Variants in KDM2B observed in about 807,000 individuals in gnomAD.
KDM2B encodes the protein lysine-specific demethylase 2B.
Under a neutral mutation model 150.0 loss-of-function variants are expected in KDM2B, and 26 were observed. The observed-to-expected ratio is 0.17, with a 90% CI of 0.13 to 0.24. KDM2B has a LOEUF of 0.24. KDM2B is among the 10% of genes least tolerant of loss of function. KDM2B has a pLI of 1.00. For missense variants in KDM2B, 1,265 were observed against 1,816.9 expected, an observed-to-expected ratio of 0.70 and a Z score of 5.52; for synonymous variants, 734 against 729.5, an observed-to-expected ratio of 1.01 and a Z score of -0.10.
chr12:121,431,886 T>C (rs543163296), intron 22 of KDM2B, among the ~76,000 whole-genome samples: 103 of 148,922 alleles, frequency 6.9e-4, no homozygotes, highest in African/African-American at 2.4e-3. Context: ...TTTCTTTTTT[T>C]TTTTTTTTTT....
At chr12:121,436,592 A>G (rs537754384) in intron 22 of KDM2B, among the ~76,000 whole-genome samples, 5 of 152,206 alleles carry the variant, frequency 3.3e-5, no homozygotes, top group African/African-American at 1.2e-4. Context: ...AGACATTGAC[A>G]TGGAAATGAG....
chr12:121,526,892 C>T (rs1187218346), intron 8 of KDM2B, among the ~76,000 whole-genome samples: 8 of 151,392 alleles, frequency 5.3e-5, no homozygotes, highest in African/African-American at 9.7e-5. Context: ...ATTAGCTGGG[C>T]GTGGTGGTGC....
intron 6 of KDM2B, among the ~76,000 whole-genome samples, chr12:121,542,647 T>G (rs1181886777): frequency 3.9e-5 from 6 of 152,228 alleles, no homozygotes; most frequent in African/African-American, 1.4e-4. Flanking sequence ...TCACTATCTA[T>G]TTGGTTATAA....
At chr12:121,412,882 T>C in the KDM2B span, among the ~76,000 whole-genome samples, 4 of 150,430 alleles carry the variant, frequency 2.7e-5, no homozygotes, top group Non-Finnish European at 5.9e-5. Flanking sequence ...CTGGGCCAGC[T>C]ATTTTTGTAT....
chr12:121,576,584 C>T (rs1594167100), intron 2 of KDM2B, among the ~76,000 whole-genome samples: 1 of 149,492 alleles, frequency 6.7e-6, no homozygotes, highest in East Asian at 1.9e-4. Flanking sequence ...TTCACAGGCT[C>T]GCTCTCTGTC....
intron 13 of KDM2B, among the ~76,000 whole-genome samples, chr12:121,448,009 A>T (rs191535130): frequency 6.6e-6 from 1 of 151,188 alleles, no homozygotes; most frequent in African/African-American, 2.5e-5. Context: ...ATTTTAAGAT[A>T]AATTTAAAAT....
intron 3 of KDM2B, 81 bp from the exon 4 acceptor site, chr12:121,574,674 T>C: frequency 1.6e-6 from 2 of 1,284,568 alleles, no homozygotes; most frequent in South Asian, 1.2e-5. Context: ...GGGGAAGCCA[T>C]TTTTCCAAGA....
At chr12:121,524,177 G>A (rs1351737750) in intron 8 of KDM2B, among the ~76,000 whole-genome samples, 1 of 152,128 alleles carries the variant, frequency 6.6e-6, no homozygotes, top group Non-Finnish European at 1.5e-5. Flanking sequence ...CAAGTCCAGG[G>A]GCTAGGGTTC....
At chr12:121,496,486 C>T (rs576652882) in intron 11 of KDM2B, among the ~76,000 whole-genome samples, 23 of 147,232 alleles carry the variant, frequency 1.6e-4, no homozygotes, top group African/African-American at 5.8e-4. Context: ...TTACTCTGCT[C>T]ATTGTCCTTT....
chr12:121,577,396 A>T (rs144958131), intron 2 of KDM2B, among the ~76,000 whole-genome samples: 8 of 152,358 alleles, frequency 5.3e-5, no homozygotes, highest in Non-Finnish European at 1.2e-4. Context: ...AAGGAGAGGA[A>T]TTAAAATTCC....
At chr12:121,427,218 G>A (rs1555284374), downstream of KDM2B, among the ~76,000 whole-genome samples, 2 of 151,890 alleles carry the variant, frequency 1.3e-5, no homozygotes, top group Admixed American at 1.3e-4. Flanking sequence ...ATTTAGCCTC[G>A]GCTGGCCTCA....
At chr12:121,412,230 CTTTT>C in the KDM2B span, among the ~76,000 whole-genome samples, 29 of 49,644 alleles carry the variant, frequency 5.8e-4, no homozygotes, top group African/African-American at 2.2e-3. Context: ...CCCAACTAAT[CTTTT>C]TTTTTTTTTT....
At chr12:121,551,805 A>G (rs1889523460) in intron 4 of KDM2B, among the ~76,000 whole-genome samples, 1 of 152,066 alleles carries the variant, frequency 6.6e-6, no homozygotes, top group African/African-American at 2.4e-5. Flanking sequence ...CGCCCGCCTC[A>G]GCCTCCCAAA....
At chr12:121,437,363 CATA>C (rs1332043771) in intron 22 of KDM2B, among the ~76,000 whole-genome samples, 1 of 150,414 alleles carries the variant, frequency 6.6e-6, no homozygotes, top group Non-Finnish European at 1.5e-5. Flanking sequence ...TTAACATGGT[CATA>C]ATAAGTGAAA....
intron 12 of KDM2B, among the ~76,000 whole-genome samples, chr12:121,454,581 C>A (rs1216986805): frequency 6.6e-6 from 1 of 152,128 alleles, no homozygotes; most frequent in East Asian, 1.9e-4. Flanking sequence ...TGGGAGGGAC[C>A]AGGATGGGAG....
At position 121,549,097 on chromosome 12, in the gene KDM2B, C is replaced by A. The variant is rs1489463391; in HGVS notation, c.577-114G>T. On this transcript the variant is annotated intron_variant, in intron 5 of 22. Coordinates refer to ENST00000377071, the MANE Select transcript of KDM2B (RefSeq NM_032590.5). This position sits in a 1 kb window ranked among gnomAD's most constrained non-coding sequence, Gnocchi z 4.4. ...CCGCTCCCCCAATCTACTGTGGGCTCAATAGTCCCAACATGGGAGGAAGGA... is the reference window on the plus strand; with the variant it reads ...CCGCTCCCCCAATCTACTGTGGGCTAAATAGTCCCAACATGGGAGGAAGGA... 1 of 761,302 alleles carries A rather than the reference C, an allele frequency of 1.3e-6. No individual in the cohort carries two copies. The highest frequency in any genetic ancestry group is 2.7e-5 in the East Asian group (1 of 37,614). 47.2% of individuals were successfully genotyped at this position (761,302 alleles called of 1,614,324 possible). A position where few individuals can be genotyped will look rare whatever the true frequency, so the allele number is the denominator to read the frequency against.
chr12:121,580,229 T>A, intron 1 of KDM2B: 4 of 1,110,034 alleles, frequency 3.6e-6, no homozygotes, highest in Middle Eastern at 3.5e-4. Context: ...TGCAAAGTCC[T>A]AGGAAACCAT....
the KDM2B span, among the ~76,000 whole-genome samples, chr12:121,414,106 T>C: frequency 6.6e-6 from 1 of 152,222 alleles, no homozygotes; most frequent in African/African-American, 2.4e-5. Context: ...TTGAGGGCTT[T>C]TTATTTGCTT....
chr12:121,450,804 T>C (rs1417689321), intron 13 of KDM2B, among the ~76,000 whole-genome samples: 1 of 150,972 alleles, frequency 6.6e-6, no homozygotes, highest in Non-Finnish European at 1.5e-5. Context: ...GAGCTTGCAG[T>C]GAGCCGAGAT....
Sources: allele counts gnomAD v4.1 joint callset (sites outside exome capture counted in the v4.1 genomes callset), GRCh38; gene constraint gnomAD v4.1.1; non-coding constraint Gnocchi (gnomAD v3.1); transcripts MANE v1.5; gene names NCBI Gene and HGNC (gene_info 2026-07-23, HGNC 2026-07-21).